The following STK24 variants were observed in gnomAD, a reference collection of about 807,000 sequenced individuals.
STK24 encodes serine/threonine kinase 24, also known as serine/threonine-protein kinase 24.
Under a neutral mutation model 55.6 loss-of-function variants are expected in STK24, and 21 were observed. The observed-to-expected ratio is 0.38, with a 90% confidence interval of 0.27 to 0.54. The LOEUF is 0.54. Ranked by LOEUF, STK24 falls within the 20% of genes least tolerant of loss-of-function variation. STK24 has a pLI of 0.79. For synonymous variants in STK24, 200 were observed against 215.2 expected (o/e 0.93, Z 0.62); for missense variants, 383 against 538.4 (o/e 0.71, Z 2.86).
At position 98,448,299 on chromosome 13, in the gene STK24, A is replaced by C; in HGVS notation, c.*4874T>G. 1.9e-6 allele frequency: 3 copies of C among 1,613,522 alleles called. No homozygotes were observed. Among genetic ancestry groups the C allele is most frequent in the South Asian group, 1.1e-5 (1 of 91,064 alleles). ...CGCGACCCCACGTGTTGAGTCACAA[A>C]GAGTCTCTTGTGTATTGATGGCCGG... is the stretch of plus-strand genomic sequence containing the variant. On this transcript the variant is annotated 3_prime_UTR_variant, in exon 11 of 11. Coordinates refer to ENST00000539966, the MANE Select transcript of STK24 (RefSeq NM_001032296.4).
rs1566391848 is a variant in STK24, at chr13:98,535,358, AAACAAAAAAAAAAT to A, written c.43-15899_43-15886del. 1.2e-3 allele frequency among the ~76,000 whole-genome samples: 37 copies of A among 29,930 alleles called. 1 individual carries two copies. The highest frequency in any genetic ancestry group is 3.5e-3 in the African/African-American group (31 of 8,740). The allele number at this position is 29,930 out of a possible 152,430, so 19.6% of individuals were successfully genotyped here. On this transcript the variant is annotated intron_variant, in intron 1 of 10. Transcript: ENST00000539966. Reference sequence around the variant, plus strand: ...GTCTCAAACAAACAAACAAACAAACAAACAAAAAAAAAATATATATATATATATATATGTGTGTA... The same window carrying A: ...GTCTCAAACAAACAAACAAACAAACAATATATATATATATATATGTGTGTA...
intron 1 of STK24, among the ~76,000 whole-genome samples, chr13:98,564,306 G>A (rs562608741): frequency 6.6e-5 from 10 of 152,268 alleles, no homozygotes; most frequent in African/African-American, 4.8e-5. Flanking sequence ...TCTCCCCTGC[G>A]GCATCCCAGC....
Position 98,460,411 on chromosome 13 carries a change from A to T in STK24, c.1083T>A (p.Ser361=), listed in dbSNP as rs115469379. Residue 361 remains serine (S), a synonymous_variant, in exon 9 of 11, where the codon TCT becomes TCA. Coordinates refer to ENST00000539966, the MANE Select transcript of STK24 (RefSeq NM_001032296.4). ...KMKDIPKRPF[S]QCLSTIISPL... is the part of the protein sequence containing the mutation. ...GAGAAATAATTGTAGATAAACACTG[A>T]GAGAAAGGCCTCTTCGGGATGTCTT... 1,349 of 1,613,514 alleles carry T rather than the reference A, an allele frequency of 8.4e-4. 4 individuals are homozygous for T. In the African/African-American group the frequency reaches 0.012, roughly 14 times the overall value.
intron 1 of STK24, among the ~76,000 whole-genome samples, chr13:98,520,787 T>TA (rs1320859974): frequency 6.6e-6 from 1 of 152,218 alleles, no homozygotes; most frequent in Non-Finnish European, 1.5e-5. Context: ...TTGCAGGCCT[T>TA]ACAGTGCTAC....
At position 98,446,958 on chromosome 13, in the gene STK24, C is replaced by G. The variant is rs750665593; in HGVS notation, c.*6215G>C. On this transcript the variant is annotated 3_prime_UTR_variant, in exon 11 of 11. Coordinates refer to ENST00000539966, the MANE Select transcript of STK24 (RefSeq NM_001032296.4). ...CGTTTAGACCTGGGGTCCCACTGCC[C>G]GACACCAGCAGGCGATTCTGTTCTC... 15 of 832,458 alleles carry G rather than the reference C, an allele frequency of 1.8e-5. No individual in the cohort carries two copies. The highest frequency in any genetic ancestry group is 3.5e-4 in the Middle Eastern group (1 of 2,838). The allele number at this position is 832,458 out of a possible 1,614,324, so 51.6% of individuals were successfully genotyped here.
At chr13:98,459,658 T>C (rs768252553) in intron 9 of STK24, among the ~76,000 whole-genome samples, 12 of 152,188 alleles carry the variant, frequency 7.9e-5, no homozygotes, top group Non-Finnish European at 1.3e-4. Flanking sequence ...ACAGCCGCAG[T>C]GGAAAACTGC....
chr13:98,460,632 TC>T (rs1273070418), intron 8 of STK24, among the ~76,000 whole-genome samples, 192 bp from the exon 9 acceptor site: 1 of 152,148 alleles, frequency 6.6e-6, no homozygotes, highest in Admixed American at 6.5e-5. Context: ...CAAAGTTTCA[TC>T]TGCAGTGACA....
chr13:98,576,879 G>A lies in STK24; in HGVS notation c.-93C>T. 1 of 869,564 alleles carries A rather than the reference G, an allele frequency of 1.2e-6. No individual in the cohort carries two copies. The highest frequency in any genetic ancestry group is 1.4e-6 in the Non-Finnish European group (1 of 726,274). 53.9% of individuals were successfully genotyped at this position (869,564 alleles called of 1,614,324 possible). On this transcript the variant is annotated 5_prime_UTR_variant, in exon 1 of 11. Coordinates refer to ENST00000539966, the MANE Select transcript of STK24 (RefSeq NM_001032296.4). ...GCCCGCGGGCCGCGCGCAGCCCTCG[G>A]GCGGCGGGGCCGGCCGGAGCCCGAG...
intron 7 of STK24, among the ~76,000 whole-genome samples, chr13:98,462,931 T>C (rs1176652608): frequency 6.6e-6 from 1 of 152,150 alleles, no homozygotes; most frequent in African/African-American, 2.4e-5. Context: ...TCCCTGTTGC[T>C]ACCCCAGCAA....
At chr13:98,540,756 T>C (rs1896863142) in intron 1 of STK24, among the ~76,000 whole-genome samples, 2 of 84,920 alleles carry the variant, frequency 2.4e-5, no homozygotes, top group South Asian at 3.7e-4. Context: ...AAGCTAAATA[T>C]TAAAAGCAAA....
chr13:98,540,235 C>T (rs970660026), intron 1 of STK24, among the ~76,000 whole-genome samples: 3 of 152,136 alleles, frequency 2.0e-5, no homozygotes, highest in Non-Finnish European at 2.9e-5. Flanking sequence ...CTGTGAATGA[C>T]GATGAGGAAT....
rs147174875 is a variant in STK24 at position 98,519,449 on chromosome 13, G to C, written c.67C>G (p.Leu23Val). 9.3e-6 allele frequency: 15 copies of C among 1,614,080 alleles called. No homozygotes were observed. The African/African-American group carries it at 1.5e-4, about 16-fold the overall frequency. ...CCAATTTTCTCTAGTTTTGTAAAAA[G>C]CTCTTCTGGGTCTGCCTTTAGGTTC... ...MQNLKADPEE[L>V]FTKLEKIGKG... Residue 23 changes from leucine (L) to valine (V), a missense_variant, in exon 2 of 11, where the codon CTT (leucine) becomes GTT (valine). Coordinates refer to ENST00000539966, the MANE Select transcript of STK24 (RefSeq NM_001032296.4).
At position 98,446,123 on chromosome 13, in the gene STK24, G is replaced by A; in HGVS notation, c.*7050C>T. ...AATCAGTTGTCTGGAAACCTGCTGA[G>A]GAAATTCAAAAACAGCAACGGGTGG... is the stretch of plus-strand genomic sequence containing the variant. On this transcript the variant is annotated 3_prime_UTR_variant, in exon 11 of 11. Coordinates refer to ENST00000539966, the MANE Select transcript of STK24 (RefSeq NM_001032296.4). The A allele has an allele frequency of 1.2e-6, 2 of 1,614,020 alleles. No homozygotes were observed. The highest frequency in any genetic ancestry group is 1.7e-6 in the Non-Finnish European group (2 of 1,179,870).
intron 2 of STK24, among the ~76,000 whole-genome samples, chr13:98,485,771 G>T (rs1894781649): frequency 6.6e-6 from 1 of 152,248 alleles, no homozygotes. Flanking sequence ...TTTTGCGAAG[G>T]CGGTTTCAGG....
At position 98,519,225 on chromosome 13, in the gene STK24, C is replaced by A; in HGVS notation, c.273+18G>T. The stretch of plus-strand genomic sequence containing the variant: ...CCAAGTGCTGCAGAACGGAGAAGCA[C>A]GTTATTTTAAGCCTTACCTTCAGAT... On this transcript the variant is annotated intron_variant, in intron 2 of 10. Transcript: ENST00000539966. 6.2e-7 allele frequency: 1 copy of A among 1,603,726 alleles called. No homozygotes were observed. Among genetic ancestry groups the A allele is most frequent in the Admixed American group, 1.7e-5 (1 of 59,990 alleles).
At chr13:98,519,134 C>T (rs1383697535) in intron 2 of STK24, 109 bp downstream of exon 2, 5 of 842,398 alleles carry the variant, frequency 5.9e-6, no homozygotes, top group Middle Eastern at 3.6e-4. Context: ...AAACATCTCT[C>T]CTTGCTCTGA....
chr13:98,513,297 G>A (rs1895947665), intron 2 of STK24, among the ~76,000 whole-genome samples: 2 of 152,204 alleles, frequency 1.3e-5, no homozygotes, highest in Admixed American at 1.3e-4. Flanking sequence ...GTCAGCCCTA[G>A]AAACACCATT....
intron 2 of STK24, chr13:98,509,008 C>T (rs1043830637): frequency 1.2e-4 from 18 of 152,182 alleles, no homozygotes; most frequent in African/African-American, 3.9e-4. Context: ...AATGTGGCTA[C>T]CAGGCCAAAA....
chr13:98,538,475 T>C (rs920368650), intron 1 of STK24, among the ~76,000 whole-genome samples: 13 of 152,006 alleles, frequency 8.6e-5, no homozygotes, highest in Non-Finnish European at 1.5e-4. Context: ...TCCTCCCGCC[T>C]TGGCCTCCCA....
Sources: allele counts gnomAD v4.1 joint callset (sites outside exome capture counted in the v4.1 genomes callset), GRCh38; gene constraint gnomAD v4.1.1; transcripts MANE v1.5; gene names NCBI Gene and HGNC (gene_info 2026-07-23, HGNC 2026-07-21).